Variants in KANK1 observed in about 807,000 individuals in gnomAD.
KANK1 encodes KN motif and ankyrin repeat domain-containing protein 1.
In KANK1, 109 loss-of-function variants were observed where a neutral mutation model predicts 106.2. The ratio of observed to expected loss-of-function variants is 1.03; its 90% CI spans 0.88 to 1.20. KANK1 has a LOEUF of 1.20. Ranked by LOEUF, KANK1 falls within the 50% of genes most tolerant of loss-of-function variation. The pLI, the probability that KANK1 is intolerant of heterozygous loss-of-function variation, is 0.00. For missense variants in KANK1, 2,399 were observed against 1,710.7 expected, an observed-to-expected ratio of 1.40 and a Z score of -7.10; for synonymous variants, 873 against 652.2, an observed-to-expected ratio of 1.34 and a Z score of -5.16.
At chr9:624,308 C>T (rs905982404) in intron 1 of KANK1, among the ~76,000 whole-genome samples, 1 of 152,050 alleles carries the variant, frequency 6.6e-6, no homozygotes, top group South Asian at 2.1e-4. Flanking sequence ...TAGGGAGCGT[C>T]CTTAGTCTTT....
At chr9:735,590 G>C (rs915172083) in intron 7 of KANK1, 1 of 190,344 alleles carries the variant, frequency 5.3e-6, no homozygotes, top group Admixed American at 4.7e-5. Context: ...TAAGGATACC[G>C]AAATGCACAG....
At chr9:617,095 G>A (rs183885427) in intron 1 of KANK1, among the ~76,000 whole-genome samples, 1 of 152,010 alleles carries the variant, frequency 6.6e-6, no homozygotes, top group Non-Finnish European at 1.5e-5. Context: ...GTAAGTGAAT[G>A]TTAGGTCAGT....
At chr9:632,677 A>C (rs1836030431) in intron 1 of KANK1, among the ~76,000 whole-genome samples, 1 of 151,862 alleles carries the variant, frequency 6.6e-6, no homozygotes, top group East Asian at 1.9e-4. Flanking sequence ...AGATAATGAG[A>C]GTGGTGTTTT....
rs536311661 is a variant in KANK1, at chr9:672,455, A to G, written c.-83-4435A>G. On this transcript the variant is annotated intron_variant, in intron 1 of 11. Transcript: ENST00000382297. ...ATCATTTAGTGACATCTTTTTTATTAGTAGTACTTAATGTTACACTTTGGG... is the reference window on the plus strand; with the variant it reads ...ATCATTTAGTGACATCTTTTTTATTGGTAGTACTTAATGTTACACTTTGGG... Among the ~76,000 whole-genome samples the G allele has an allele frequency of 7.2e-5, 11 of 152,244 alleles. No homozygotes were observed. The East Asian group carries it at 1.9e-3, about 27-fold the overall frequency.
chr9:525,808 G>A (rs1021548809), intron 1 of KANK1, among the ~76,000 whole-genome samples: 10 of 151,496 alleles, frequency 6.6e-5, no homozygotes, highest in Non-Finnish European at 1.2e-4. Context: ...CTGCTCCCCT[G>A]GCTGCCGTTT....
chr9:548,951 T>C (rs1474863681), intron 1 of KANK1, among the ~76,000 whole-genome samples: 2 of 152,078 alleles, frequency 1.3e-5, no homozygotes, highest in African/African-American at 4.8e-5. Context: ...GGACAATAAA[T>C]GCAAATATAT....
intron 3 of KANK1, chr9:476,748 TAATA>T (rs1285592821): frequency 2.0e-5 from 3 of 152,218 alleles, no homozygotes; most frequent in South Asian, 2.1e-4. Flanking sequence ...GTAGAAATAT[TAATA>T]AATAATATTG....
At position 605,172 on chromosome 9, in the gene KANK1, G is replaced by A. The variant is rs528830849; in HGVS notation, c.-83-71718G>A. 9.3e-5 allele frequency among the ~76,000 whole-genome samples: 14 copies of A among 151,068 alleles called. No homozygotes were observed. In the East Asian group the frequency reaches 2.2e-3, roughly 23 times the overall value. On this transcript the variant is annotated intron_variant, in intron 1 of 11. Transcript: ENST00000382297. ...AAAAATTAGCTGGGTGTGGTGGTAC[G>A]CGCCTGTAATCCCAGCTACTTAGGA...
intron 1 of KANK1, among the ~76,000 whole-genome samples, chr9:654,314 T>A (rs1228176005): frequency 1.3e-5 from 2 of 152,102 alleles, no homozygotes; most frequent in African/African-American, 4.8e-5. Context: ...AGGCAGGGTG[T>A]TTTCCAAATT....
At chr9:561,405 C>G (rs548884043) in intron 1 of KANK1, among the ~76,000 whole-genome samples, 1 of 152,142 alleles carries the variant, frequency 6.6e-6, no homozygotes, top group Admixed American at 6.5e-5. Context: ...TGAGTGCACT[C>G]TTATTTATTA....
intron 1 of KANK1, among the ~76,000 whole-genome samples, chr9:523,391 C>T (rs1332439254): frequency 6.6e-6 from 1 of 151,764 alleles, no homozygotes; most frequent in Non-Finnish European, 1.5e-5. Context: ...CTTTCCACTG[C>T]CACCATCCTC....
intron 6 of KANK1, 138 bp downstream of exon 6, chr9:732,755 T>A: frequency 1.1e-6 from 1 of 910,816 alleles, no homozygotes; most frequent in Non-Finnish European, 1.7e-6. Flanking sequence ...CTTGAGATAC[T>A]AATATATACA....
intron 1 of KANK1, among the ~76,000 whole-genome samples, chr9:509,126 G>A (rs1053764045): frequency 6.6e-6 from 1 of 152,088 alleles, no homozygotes; most frequent in Non-Finnish European, 1.5e-5. Flanking sequence ...TGGAGGCGGA[G>A]TCTTGCTCTG....
intron 1 of KANK1, among the ~76,000 whole-genome samples, chr9:603,643 C>T (rs1372551428): frequency 1.3e-5 from 2 of 151,590 alleles, no homozygotes; most frequent in Admixed American, 6.6e-5. Flanking sequence ...TTAATATACT[C>T]GTTTGAATTT....
At chr9:605,539 G>C (rs754515547) in intron 1 of KANK1, among the ~76,000 whole-genome samples, 6 of 151,692 alleles carry the variant, frequency 4.0e-5, no homozygotes, top group Non-Finnish European at 7.4e-5. Context: ...GATCAGCCTG[G>C]GCAAAGGTGT....
rs114522917 is a variant in KANK1 at position 699,271 on chromosome 9, G to C, written c.38-11533G>C. The stretch of plus-strand genomic sequence containing the variant: ...ACTTGTCTGTCTCCTCCTATACTTC[G>C]TAAGTTCTACCCAGACAGGCTCTGT... On this transcript the variant is annotated intron_variant, in intron 2 of 11. Transcript: ENST00000382297. 4.7e-3 allele frequency among the ~76,000 whole-genome samples: 714 copies of C among 152,266 alleles called. 4 individuals carry two copies. The highest frequency in any genetic ancestry group is 0.016 in the African/African-American group (675 of 41,534).
At chr9:679,850 A>C (rs562780037) in intron 2 of KANK1, among the ~76,000 whole-genome samples, 1 of 152,310 alleles carries the variant, frequency 6.6e-6, no homozygotes, top group South Asian at 2.1e-4. Context: ...CATGGTTGAG[A>C]ATATGTTAAT....
chr9:620,464 G>T (rs1013090974), intron 1 of KANK1, among the ~76,000 whole-genome samples: 2 of 151,842 alleles, frequency 1.3e-5, no homozygotes, highest in African/African-American at 4.9e-5. Context: ...AATGAATGGC[G>T]TGATTTCGGC....
intron 3 of KANK1, among the ~76,000 whole-genome samples, chr9:717,855 C>G (rs1589156631): frequency 6.6e-6 from 1 of 152,026 alleles, no homozygotes; most frequent in Admixed American, 6.6e-5. Flanking sequence ...TGAGCAAATA[C>G]AAACAAAACT....
Sources: gnomAD v4.1 joint callset for allele counts (sites outside exome capture counted in the v4.1 genomes callset) on GRCh38, gnomAD v4.1.1 for gene constraint, MANE v1.5 for transcripts, NCBI Gene and HGNC (gene_info 2026-07-23, HGNC 2026-07-21) for gene names.